PODN: variants seen among roughly 807,000 people sequenced by gnomAD.
PODN encodes podocan proteoglycan.
In PODN, 40 loss-of-function variants were observed where a neutral mutation model predicts 52.7. The observed-to-expected ratio is 0.76, with a 90% CI of 0.59 to 0.99. PODN has a LOEUF of 0.99. Among genes scored for constraint, PODN ranks in the 50% least tolerant of loss-of-function variants. The pLI, the probability that PODN is intolerant of heterozygous loss-of-function variation, is 0.00. For synonymous variants in PODN, 396 were observed against 377.9 expected (o/e 1.05, Z -0.56); for missense variants, 720 against 815.1 (o/e 0.88, Z 1.42).
At chr1:53,082,894 C>T (rs115354309) in intron 10 of PODN, among the ~76,000 whole-genome samples, 1,726 of 152,306 alleles carry the variant, frequency 0.011, 37 homozygotes, top group African/African-American at 0.039. Context: ...AGTACATGCA[C>T]ACAAAACACC....
intron 4 of PODN, among the ~76,000 whole-genome samples, 182 bp from the exon 5 acceptor site, chr1:53,075,680 G>A (rs1263918143): frequency 6.6e-6 from 1 of 152,204 alleles, no homozygotes; most frequent in Non-Finnish European, 1.5e-5. Context: ...TGAGTGCTGA[G>A]GACAGCCAGA....
At chr1:53,084,377 GCTC>G (rs1644333343) in intron 10 of PODN, 133 bp from the exon 11 acceptor site, 1 of 152,040 alleles carries the variant, frequency 6.6e-6, no homozygotes, top group Non-Finnish European at 1.5e-5. Context: ...CAGGGCCAAC[GCTC>G]CCTCCCTACT....
rs188649353 is a variant in PODN at position 53,072,967 on chromosome 1, C to G, written c.406+1339C>G. The G allele has an allele frequency of 2.1e-3, 443 of 207,124 alleles. 1 individual carries two copies. The highest frequency in any genetic ancestry group is 0.014 in the Middle Eastern group (5 of 356). 12.8% of individuals were successfully genotyped at this position (207,124 alleles called of 1,614,324 possible). Reference sequence around the variant, plus strand: ...ATCCGAGCTACTCAGGAGGCTGAGGCAGAAGAATCACATGAACCCGGGAGG... The same window carrying G: ...ATCCGAGCTACTCAGGAGGCTGAGGGAGAAGAATCACATGAACCCGGGAGG... On this transcript the variant is annotated intron_variant, in intron 3 of 10. Coordinates refer to ENST00000312553, the MANE Select transcript of PODN (RefSeq NM_153703.5).
Position 53,080,878 on chromosome 1 carries a change from T to C in PODN, c.1661+2T>C. The C allele has an allele frequency of 1.2e-6, 2 of 1,613,770 alleles. No individual in the cohort carries two copies. The highest frequency in any genetic ancestry group is 1.7e-6 in the Non-Finnish European group (2 of 1,179,992). On this transcript the variant is annotated splice_donor_variant, in intron 9 of 10. Coordinates refer to ENST00000312553, the MANE Select transcript of PODN (RefSeq NM_153703.5). LOFTEE classifies it high-confidence loss of function. The stretch of plus-strand genomic sequence containing the variant: ...CAACCTCAAGGGGATCTTTCTCAGG[T>C]AGGAGCCCACTCGCGGCCCTGTACA...
Position 53,069,996 on chromosome 1 carries a change from G to A in PODN, c.141G>A (p.Glu47=), listed in dbSNP as rs1223998090. 1 of 1,612,302 alleles carries A rather than the reference G, an allele frequency of 6.2e-7. No homozygotes were observed. ...GCCCCGAAGAGAACGAATTTGCGGAGGAGGAGCCGGTGCTGGTACTGAGCC... is the reference window on the plus strand; with the variant it reads ...GCCCCGAAGAGAACGAATTTGCGGAAGAGGAGCCGGTGCTGGTACTGAGCC... ...SLSPEENEFA[E]EEPVLVLSPE... Residue 47 remains glutamate (E), a synonymous_variant, in exon 2 of 11, where the codon GAG becomes GAA. Transcript: ENST00000312553.
At chr1:53,070,269 T>G in intron 2 of PODN, 102 bp downstream of exon 2, 1 of 1,540,942 alleles carries the variant, frequency 6.5e-7, no homozygotes, top group Non-Finnish European at 8.7e-7. Context: ...ACCCAGAACC[T>G]CCAATATGTG....
Position 53,074,619 on chromosome 1 carries a change from G to GCT in PODN, c.420_421insCT (p.Ala141LeufsTer6). 6.2e-7 allele frequency: 1 copy of GCT among 1,614,098 alleles called. No individual in the cohort carries two copies. Among genetic ancestry groups the GCT allele is most frequent in the Non-Finnish European group, 8.5e-7 (1 of 1,180,028 alleles). On this transcript the variant is annotated frameshift_variant, in exon 4 of 11. Transcript: ENST00000312553. LOFTEE classifies it high-confidence loss of function. ...TGTCCTTTGAAGGGCTCCCAGAGAA[G>GCT]GCGTTTGAGCATCTGACCAACCTCA...
Position 53,077,826 on chromosome 1 carries a change from T to TG in PODN, c.854+28dup. 1.9e-6 allele frequency: 3 copies of TG among 1,602,028 alleles called. No individual in the cohort carries two copies. The African/African-American group carries it at 4.0e-5, about 21-fold the overall frequency. ...GTGAGTCCTTGTCTCACCAGGTCCT[T>TG]GGCGTGACCACGGGGCCCGGGAAGC... On this transcript the variant is annotated intron_variant, in intron 7 of 10. Coordinates refer to ENST00000312553, the MANE Select transcript of PODN (RefSeq NM_153703.5).
chr1:53,070,222 C>A, intron 2 of PODN, 55 bp downstream of exon 2: 2 of 1,588,642 alleles, frequency 1.3e-6, no homozygotes, highest in African/African-American at 1.3e-5. Context: ...ACCCTTGGTT[C>A]CCATCCCAGA....
intron 8 of PODN, 41 bp downstream of exon 8, chr1:53,079,063 G>A (rs969453685): frequency 4.1e-6 from 6 of 1,475,998 alleles, no homozygotes; most frequent in East Asian, 2.5e-5. Flanking sequence ...CCATGGAGGG[G>A]GGTACTGGCA....
chr1:53,066,822 T>C, intron 1 of PODN: 1 of 1,549,136 alleles, frequency 6.5e-7, no homozygotes, highest in Non-Finnish European at 8.7e-7. Flanking sequence ...TTTACAGATT[T>C]TTACAGATAC....
At chr1:53,075,553 CT>C (rs1033662459) in intron 4 of PODN, among the ~76,000 whole-genome samples, 13 of 152,208 alleles carry the variant, frequency 8.5e-5, no homozygotes, top group Non-Finnish European at 1.9e-4. Flanking sequence ...GCTTCTTGGT[CT>C]TTTGGCTAAG....
At chr1:53,062,368 A>G (rs1423576641) in intron 1 of PODN, 60 bp downstream of exon 1, 6 of 1,158,816 alleles carry the variant, frequency 5.2e-6, no homozygotes, top group Non-Finnish European at 6.6e-6. Flanking sequence ...CGGGCAGCGC[A>G]CTCAGACGTC....
chr1:53,065,775 CCTGA>C (rs1644023757), intron 1 of PODN, among the ~76,000 whole-genome samples: 1 of 152,338 alleles, frequency 6.6e-6, no homozygotes. Flanking sequence ...CTATCCCCCA[CCTGA>C]CAGTCTTGTG....
chr1:53,068,021 G>T (rs1644057590), intron 1 of PODN, among the ~76,000 whole-genome samples: 1 of 149,654 alleles, frequency 6.7e-6, no homozygotes, highest in Admixed American at 6.6e-5. Context: ...TGTGGCAGGG[G>T]TGCAGACCAT....
chr1:53,072,093 TA>T (rs1259070051), intron 3 of PODN, among the ~76,000 whole-genome samples: 5 of 148,030 alleles, frequency 3.4e-5, no homozygotes, highest in Admixed American at 6.7e-5. Context: ...AAATAAAAAA[TA>T]AAATAATATA....
At chr1:53,069,379 G>C (rs1373243758) in intron 1 of PODN, among the ~76,000 whole-genome samples, 1 of 152,222 alleles carries the variant, frequency 6.6e-6, no homozygotes, top group African/African-American at 2.4e-5. Flanking sequence ...ACCAAGTCAG[G>C]AAGGCCTGAG....
intron 3 of PODN, 24 bp from the exon 4 acceptor site, chr1:53,074,582 C>G (rs1644167218): frequency 1.2e-6 from 2 of 1,613,638 alleles, no homozygotes; most frequent in Non-Finnish European, 1.7e-6. Context: ...ATCCAGGGCT[C>G]TGACCGATGC....
intron 1 of PODN, among the ~76,000 whole-genome samples, chr1:53,064,140 T>G (rs921204761): frequency 6.6e-6 from 1 of 152,200 alleles, no homozygotes; most frequent in Non-Finnish European, 1.5e-5. Flanking sequence ...TCAGAGCAGA[T>G]CATACTGCAG....
Sources: gnomAD v4.1 joint callset for allele counts (sites outside exome capture counted in the v4.1 genomes callset) on GRCh38, gnomAD v4.1.1 for gene constraint, MANE v1.5 for transcripts, NCBI Gene and HGNC (gene_info 2026-07-23, HGNC 2026-07-21) for gene names.